Variants in CDK12 observed in about 807,000 individuals in gnomAD.
CDK12 encodes the protein cyclin-dependent kinase 12.
Under a neutral mutation model 133.8 loss-of-function variants are expected in CDK12, and 17 were observed. The observed-to-expected ratio is 0.13, with a 90% CI of 0.09 to 0.19. CDK12 has a LOEUF of 0.19. Among genes scored for constraint, CDK12 ranks in the 10% least tolerant of loss-of-function variants. CDK12 has a pLI of 1.00. For synonymous variants in CDK12, 694 were observed against 683.6 expected (o/e 1.02, Z -0.24); for missense variants, 1,508 against 1,818.7 (o/e 0.83, Z 3.11).
At chr17:39,550,022 C>G (rs906193627), upstream of CDK12, 4 of 152,240 alleles carry the variant, frequency 2.6e-5, no homozygotes, top group Non-Finnish European at 4.4e-5. Flanking sequence ...CTCTCTCTCT[C>G]TCTCTCTCTC....
intron 6 of CDK12, among the ~76,000 whole-genome samples, chr17:39,508,385 A>G (rs1187969622): frequency 6.6e-6 from 1 of 152,202 alleles, no homozygotes; most frequent in Non-Finnish European, 1.5e-5. Flanking sequence ...AACAGGTTAC[A>G]TGAATTTAGA....
chr17:39,469,026 A>G (rs937211500), intron 1 of CDK12, among the ~76,000 whole-genome samples: 7 of 151,676 alleles, frequency 4.6e-5, no homozygotes, highest in Non-Finnish European at 8.8e-5. Context: ...ACAGGGTTTT[A>G]CCATGTTGGC....
At chr17:39,557,708 G>A (rs1470425670) in intron 3 of CDK12, among the ~76,000 whole-genome samples, 2 of 152,206 alleles carry the variant, frequency 1.3e-5, no homozygotes, top group Non-Finnish European at 2.9e-5. Flanking sequence ...GGCATTGGAT[G>A]AAGCACAGTT....
At chr17:39,537,623 T>C (rs1410410914), downstream of CDK12, among the ~76,000 whole-genome samples, 3 of 151,748 alleles carry the variant, frequency 2.0e-5, no homozygotes, top group African/African-American at 7.3e-5. Context: ...AGTGCAGTGG[T>C]GTGATCTCGG....
chr17:39,467,275 C>T (rs35499078), intron 1 of CDK12, among the ~76,000 whole-genome samples: 7,843 of 152,124 alleles, frequency 0.052, 666 homozygotes, highest in African/African-American at 0.18. Flanking sequence ...CCATGCCCGG[C>T]GAAACAACCT....
At chr17:39,518,142 C>T (rs554359508) in intron 10 of CDK12, among the ~76,000 whole-genome samples, 267 of 152,160 alleles carry the variant, frequency 1.8e-3, no homozygotes, top group Middle Eastern at 3.4e-3. Context: ...CTGCACCCAG[C>T]TAATTTTTGT....
chr17:39,481,579 G>A (rs927959315), intron 2 of CDK12, among the ~76,000 whole-genome samples: 9 of 150,092 alleles, frequency 6.0e-5, no homozygotes, highest in Non-Finnish European at 1.2e-4. Flanking sequence ...CAAAGTGCTG[G>A]AATTACACGT....
In CDK12 at chr17:39,471,842, A is replaced by G. The variant is rs1399148190; in HGVS notation, c.1931+79A>G. The G allele has an allele frequency of 4.1e-6, 5 of 1,217,562 alleles. No homozygotes were observed. The Admixed American group carries it at 1.1e-4, about 28-fold the overall frequency. The allele number at this position is 1,217,562 out of a possible 1,614,324, so 75.4% of individuals were successfully genotyped here. A position where few individuals can be genotyped will look rare whatever the true frequency, so the allele number is the denominator to read the frequency against. On this transcript the variant is annotated intron_variant, in intron 2 of 13. Coordinates refer to ENST00000447079, the MANE Select transcript of CDK12 (RefSeq NM_016507.4). ...TTCTGTTTTAATCTTTGTCAACACT[A>G]CCCTCATGGTTTTATGAACAGGAAA...
In CDK12 at chr17:39,462,601, C is replaced by A. The variant is rs1236743086; in HGVS notation, c.530C>A (p.Ser177Tyr). The change falls in exon 1 of 14, where the codon TCC becomes TAC. Residue 177 changes from serine to tyrosine, a missense_variant. Coordinates refer to ENST00000447079, the MANE Select transcript of CDK12 (RefSeq NM_016507.4). ...AKSSSKESRS[S>Y]KLHKEKTRKE... ...AGCAGCAGCAAGGAATCCAGGTCAT[C>A]CAAGCTCCACAAGGAGAAGACCAGG... 1 of 1,613,942 alleles carries A rather than the reference C, an allele frequency of 6.2e-7. No homozygotes were observed. The highest frequency in any genetic ancestry group is 8.5e-7 in the Non-Finnish European group (1 of 1,180,028).
chr17:39,531,209 G>A lies in CDK12; in HGVS notation c.4366G>A (p.Gly1456Ser), dbSNP rs764911785. The stretch of plus-strand genomic sequence containing the variant: ...CACTGGGGCCAGCAGCTCAGGAGCA[G>A]GCCTTCACTGGGGGGGCCCAACTCA... ...GTTGASSSGA[G>S]LHWGGPTQSS... is the part of the protein sequence containing the mutation. Residue 1456 changes from glycine to serine, a missense_variant, in exon 14 of 14, where the codon GGC (glycine) becomes AGC (serine). Physicochemically the swap from Gly to Ser is moderately conservative, Grantham distance 56. Transcript: ENST00000447079. 1 of 1,517,560 alleles carries A rather than the reference G, an allele frequency of 6.6e-7. No homozygotes were observed. Among genetic ancestry groups the A allele is most frequent in the Admixed American group, 2.3e-5 (1 of 43,916 alleles). 94.0% of individuals were successfully genotyped at this position (1,517,560 alleles called of 1,614,324 possible). A position where few individuals can be genotyped will look rare whatever the true frequency, so the allele number is the denominator to read the frequency against.
chr17:39,518,583 A>G (rs1159360999), intron 10 of CDK12, among the ~76,000 whole-genome samples: 2 of 151,522 alleles, frequency 1.3e-5, no homozygotes, highest in Non-Finnish European at 1.5e-5. Context: ...AACTGGCCAT[A>G]TTTTTGTGTG....
intron 2 of CDK12, among the ~76,000 whole-genome samples, chr17:39,478,285 G>A (rs2050375997): frequency 6.6e-6 from 1 of 151,662 alleles, no homozygotes; most frequent in East Asian, 2.0e-4. Flanking sequence ...TCTGCCTCTG[G>A]GGTTCACATG....
intron 2 of CDK12, among the ~76,000 whole-genome samples, chr17:39,553,511 G>T (rs1194052541): frequency 6.6e-6 from 1 of 152,160 alleles, no homozygotes; most frequent in African/African-American, 2.4e-5. Context: ...AGGGCTGTTT[G>T]CCCAAGTGTG....
intron 2 of CDK12, among the ~76,000 whole-genome samples, chr17:39,483,607 A>G (rs2050892033): frequency 6.6e-6 from 1 of 151,202 alleles, no homozygotes; most frequent in African/African-American, 2.5e-5. Flanking sequence ...GAAGGAGATA[A>G]AGGATTATAT....
rs71843922 is a variant in CDK12, at chr17:39,532,102, TTCTCTCTCTCTCTCTCTCTCTCTCTCTC to T, written c.*800_*827del. On this transcript the variant is annotated 3_prime_UTR_variant, in exon 14 of 14. Coordinates refer to ENST00000447079, the MANE Select transcript of CDK12 (RefSeq NM_016507.4). Reference sequence around the variant, plus strand: ...GCTGATGTGTGCTCTCTCTCTCTCTTTCTCTCTCTCTCTCTCTCTCTCTCTCTCTCTCTCTCTCTCTGTCTCGCTTGCT... The same window carrying T: ...GCTGATGTGTGCTCTCTCTCTCTCTTTCTCTCTCTCTCTGTCTCGCTTGCT... 1 of 206,014 alleles carries T rather than the reference TTCTCTCTCTCTCTCTCTCTCTCTCTCTC, an allele frequency of 4.9e-6. No individual in the cohort carries two copies. Among genetic ancestry groups the T allele is most frequent in the Non-Finnish European group, 9.3e-6 (1 of 107,272 alleles). The allele number at this position is 206,014 out of a possible 1,614,324, so 12.8% of individuals were successfully genotyped here. A position where few individuals can be genotyped will look rare whatever the true frequency, so the allele number is the denominator to read the frequency against.
intron 6 of CDK12, among the ~76,000 whole-genome samples, chr17:39,505,240 A>AT (rs2053028643): frequency 8.0e-6 from 1 of 125,770 alleles, no homozygotes; most frequent in Non-Finnish European, 1.7e-5. Context: ...AAAAAAAAAA[A>AT]AAAAGGCCAG....
chr17:39,497,407 G>A (rs1253254385), intron 5 of CDK12, among the ~76,000 whole-genome samples: 1 of 151,954 alleles, frequency 6.6e-6, no homozygotes, highest in East Asian at 1.9e-4. Context: ...GCTGGGCATG[G>A]TGCTGGGCAC....
At chr17:39,493,427 G>C (rs377663615) in intron 4 of CDK12, among the ~76,000 whole-genome samples, 55 of 152,174 alleles carry the variant, frequency 3.6e-4, no homozygotes, top group African/African-American at 1.3e-3. Context: ...CTCTGCATCA[G>C]CCTCCCGAGT....
rs144011843 is a variant in CDK12 at position 39,524,864 on chromosome 17, T to C, written c.3286T>C (p.Ser1096Pro). The C allele has an allele frequency of 2.4e-5, 38 of 1,613,682 alleles. No individual in the cohort carries two copies. The African/African-American group carries it at 3.9e-4, about 16-fold the overall frequency. ...PPQPAPGKVE[S>P]GAGDAIGLAD... Reference sequence around the variant, plus strand: ...TCAGCCTGCTCCTGGCAAGGTGGAGTCTGGGGCTGGGGATGCAATAGGTCA... The same window carrying C: ...TCAGCCTGCTCCTGGCAAGGTGGAGCCTGGGGCTGGGGATGCAATAGGTCA... The change falls in exon 12 of 14, where the codon TCT becomes CCT. Residue 1096 changes from serine (S) to proline (P), a missense_variant. By Grantham distance (74) the Ser-to-Pro change is moderately conservative (BLOSUM62 -1). This residue lies in a region of CDK12 where 399 missense variants were observed against 469.6 expected (regional missense o/e 0.85). Coordinates refer to ENST00000447079, the MANE Select transcript of CDK12 (RefSeq NM_016507.4).
Sources: gnomAD v4.1 joint callset for allele counts (sites outside exome capture counted in the v4.1 genomes callset) on GRCh38, gnomAD v4.1.1 for gene constraint, gnomAD v4.1.1 regional missense constraint, MANE v1.5 for transcripts, NCBI Gene and HGNC (gene_info 2026-07-23, HGNC 2026-07-21) for gene names.